TRIQK: variants seen among roughly 807,000 people sequenced by gnomAD.
TRIQK encodes triple QxxK/R motif-containing protein.
In TRIQK, 10 loss-of-function variants were observed where a neutral mutation model predicts 10.8. That is an observed-to-expected ratio of 0.92 (90% confidence interval 0.57 to 1.57). TRIQK has a LOEUF of 1.57. TRIQK is among the 40% of genes most tolerant of loss of function. TRIQK has a pLI of 0.00. For missense variants in TRIQK, 107 were observed against 97.7 expected, an observed-to-expected ratio of 1.09 and a Z score of -0.40; for synonymous variants, 33 against 33.7, an observed-to-expected ratio of 0.98 and a Z score of 0.07.
intron 1 of TRIQK, among the ~76,000 whole-genome samples, chr8:92,956,474 A>G (rs1258725334): frequency 6.6e-6 from 1 of 151,820 alleles, no homozygotes; most frequent in African/African-American, 2.4e-5. Flanking sequence ...GTTGCACAAT[A>G]TTGGGAATAT....
At chr8:92,893,857 G>A (rs1425597934) in intron 3 of TRIQK, among the ~76,000 whole-genome samples, 1 of 151,544 alleles carries the variant, frequency 6.6e-6, no homozygotes, top group Non-Finnish European at 1.5e-5. Context: ...GGCGGGGGGT[G>A]GGGGGTGAGC....
At chr8:92,985,287 G>GA (rs1813021166) in intron 1 of TRIQK, among the ~76,000 whole-genome samples, 1 of 152,152 alleles carries the variant, frequency 6.6e-6, no homozygotes, top group Non-Finnish European at 1.5e-5. Flanking sequence ...AGAGAGAGAA[G>GA]AAGAAGAGAG....
At chr8:92,928,259 A>G (rs1432669099) in intron 2 of TRIQK, among the ~76,000 whole-genome samples, 2 of 152,160 alleles carry the variant, frequency 1.3e-5, no homozygotes, top group East Asian at 3.9e-4. Context: ...CAAAACTGCA[A>G]TGAGTACTCA....
chr8:92,899,951 A>G (rs1808832175), intron 3 of TRIQK, among the ~76,000 whole-genome samples: 1 of 151,996 alleles, frequency 6.6e-6, no homozygotes, highest in East Asian at 1.9e-4. Context: ...TTTTTAACTG[A>G]GGTGAGATGA....
intron 1 of TRIQK, among the ~76,000 whole-genome samples, chr8:92,998,625 A>T (rs1813176961): frequency 6.6e-6 from 1 of 152,138 alleles, no homozygotes; most frequent in Non-Finnish European, 1.5e-5. Context: ...ATGTAATTAC[A>T]GTAGCATTTT....
chr8:92,951,024 T>C (rs557533924), intron 2 of TRIQK, among the ~76,000 whole-genome samples: 134 of 152,220 alleles, frequency 8.8e-4, no homozygotes, highest in African/African-American at 3.0e-3. Flanking sequence ...ATTCTTTAAA[T>C]CATCTTTAGA....
intron 3 of TRIQK, among the ~76,000 whole-genome samples, chr8:92,892,609 TTCTTTTATTTCC>T (rs1046362505): frequency 1.3e-3 from 198 of 152,108 alleles, no homozygotes; most frequent in African/African-American, 4.3e-3. Flanking sequence ...AGAAAAATAT[TTCTTTTATTTCC>T]TCTTTTATTT....
At chr8:93,007,134 T>A (rs1813282858) in intron 1 of TRIQK, among the ~76,000 whole-genome samples, 1 of 151,444 alleles carries the variant, frequency 6.6e-6, no homozygotes, top group African/African-American at 2.4e-5. Flanking sequence ...GTGGTAGAGA[T>A]CCCAGAGGAA....
intron 2 of TRIQK, among the ~76,000 whole-genome samples, chr8:92,947,010 C>G (rs1316877917): frequency 6.6e-6 from 1 of 151,426 alleles, no homozygotes; most frequent in Non-Finnish European, 1.5e-5. Context: ...CGTGATCCGC[C>G]CGCCTTGGCC....
At chr8:92,927,696 T>C (rs1009373429) in intron 2 of TRIQK, among the ~76,000 whole-genome samples, 4 of 152,110 alleles carry the variant, frequency 2.6e-5, no homozygotes, top group African/African-American at 9.7e-5. Context: ...CCCAGGATAG[T>C]AGCAGGATTT....
chr8:92,955,262 C>T (rs967191243), intron 1 of TRIQK, among the ~76,000 whole-genome samples: 1 of 149,968 alleles, frequency 6.7e-6, no homozygotes, highest in African/African-American at 2.4e-5. Flanking sequence ...CTTTACTTTA[C>T]TAATTCTAAT....
At chr8:92,900,315 T>C (rs1808859635) in intron 3 of TRIQK, among the ~76,000 whole-genome samples, 2 of 152,190 alleles carry the variant, frequency 1.3e-5, no homozygotes, top group South Asian at 4.1e-4. Context: ...ATTCAAGAAA[T>C]CTTTACCCAA....
chr8:92,944,205 T>C (rs891245471), intron 2 of TRIQK, among the ~76,000 whole-genome samples: 2 of 150,856 alleles, frequency 1.3e-5, no homozygotes, highest in Non-Finnish European at 2.9e-5. Flanking sequence ...AATTAAAAAG[T>C]AGCAAATGGT....
intron 3 of TRIQK, among the ~76,000 whole-genome samples, chr8:92,895,356 G>C (rs1341420660): frequency 1.3e-5 from 2 of 151,994 alleles, no homozygotes; most frequent in Non-Finnish European, 2.9e-5. Flanking sequence ...CAAGAAGTAG[G>C]GGTGCTGCTA....
chr8:92,957,720 G>C (rs1043056996), intron 1 of TRIQK, among the ~76,000 whole-genome samples: 1 of 151,890 alleles, frequency 6.6e-6, no homozygotes, highest in African/African-American at 2.4e-5. Context: ...TCTTAAAGCA[G>C]TTAGTTCTAT....
intron 3 of TRIQK, among the ~76,000 whole-genome samples, chr8:92,892,965 AG>A (rs931127370): frequency 6.6e-6 from 1 of 152,012 alleles, no homozygotes; most frequent in Non-Finnish European, 1.5e-5. Flanking sequence ...TATTCTCAGG[AG>A]GAGTTAATAC....
At chr8:92,970,331 A>G (rs1812861896), upstream of TRIQK, among the ~76,000 whole-genome samples, 3 of 152,168 alleles carry the variant, frequency 2.0e-5, no homozygotes, top group Non-Finnish European at 2.9e-5. Flanking sequence ...GCTGAGTGGA[A>G]TGGTGGTTCT....
At chr8:92,888,192 T>C (rs1323480283) in intron 4 of TRIQK, among the ~76,000 whole-genome samples, 1 of 151,648 alleles carries the variant, frequency 6.6e-6, no homozygotes, top group African/African-American at 2.4e-5. Flanking sequence ...ACAAAACTGT[T>C]CAACAGCAGT....
chr8:92,903,298 G>A (rs942078244), intron 3 of TRIQK, among the ~76,000 whole-genome samples: 2 of 151,804 alleles, frequency 1.3e-5, no homozygotes, highest in African/African-American at 4.9e-5. Flanking sequence ...GAGCAGCTTT[G>A]ACATTTGTCA....
Sources: gnomAD v4.1 joint callset for allele counts (sites outside exome capture counted in the v4.1 genomes callset) on GRCh38, gnomAD v4.1.1 for gene constraint, MANE v1.5 for transcripts, NCBI Gene and HGNC (gene_info 2026-07-23, HGNC 2026-07-21) for gene names.